The following EIPR1 variants were observed in gnomAD, a reference collection of about 807,000 sequenced individuals.
EIPR1 encodes the protein EARP complex and GARP complex interacting protein 1.
A neutral mutation model predicts 48.1 loss-of-function variants in EIPR1; 25 were observed. That is an observed-to-expected ratio of 0.52 (90% CI 0.38 to 0.73). The LOEUF (loss-of-function observed/expected upper bound fraction) is 0.73, where lower values mean the gene tolerates loss of function less well. EIPR1 is among the 30% of genes least tolerant of loss of function. EIPR1 has a pLI of 0.00. For synonymous variants in EIPR1, 204 were observed against 201.9 expected (o/e 1.01, Z -0.09); for missense variants, 415 against 506.2 (o/e 0.82, Z 1.73).
At chr2:3,230,709 T>G (rs1336708965) in intron 4 of EIPR1, among the ~76,000 whole-genome samples, 1 of 152,260 alleles carries the variant, frequency 6.6e-6, no homozygotes, top group Non-Finnish European at 1.5e-5. Flanking sequence ...TCCATTGGTC[T>G]ATATGTCAAT....
chr2:3,374,557 A>C lies in EIPR1; in HGVS notation c.42+3091T>G, dbSNP rs1026204446. Among the ~76,000 whole-genome samples, 116 of 152,356 alleles carry C rather than the reference A, an allele frequency of 7.6e-4. 1 individual carries two copies. The highest frequency in any genetic ancestry group is 7.5e-4 in the Non-Finnish European group (51 of 68,036). On this transcript the variant is annotated intron_variant, in intron 1 of 8. Transcript: ENST00000382125. The stretch of plus-strand genomic sequence containing the variant: ...AGAAAAAAACAAAAAACCCCATCAA[A>C]AAGTGGGCAAAGGATATGAGCAGAC...
chr2:3,265,210 G>T (rs189954151), intron 3 of EIPR1, among the ~76,000 whole-genome samples: 1 of 93,824 alleles, frequency 1.1e-5, no homozygotes, highest in African/African-American at 4.3e-5. Context: ...CAGGCAGGAG[G>T]TGTCTCTGGC....
At chr2:3,259,129 T>A (rs1667250392) in intron 3 of EIPR1, among the ~76,000 whole-genome samples, 1 of 151,678 alleles carries the variant, frequency 6.6e-6, no homozygotes, top group Admixed American at 6.6e-5. Context: ...TCTTTCTAAA[T>A]GGTAGAAAAA....
chr2:3,242,246 G>C (rs910885610), intron 4 of EIPR1, among the ~76,000 whole-genome samples: 1 of 144,912 alleles, frequency 6.9e-6, no homozygotes, highest in Admixed American at 6.8e-5. Context: ...CCATGGGCCC[G>C]GCAGCAGCCA....
In EIPR1 at chr2:3,369,343, G is replaced by A. The variant is rs538924064; in HGVS notation, c.42+8305C>T. On this transcript the variant is annotated intron_variant, in intron 1 of 8. Transcript: ENST00000382125. ...GGTGATTTCTGCATTTCCATATGAG[G>A]TACCGGGTTCATCTCACTAGGGAGT... 2.0e-5 allele frequency among the ~76,000 whole-genome samples: 3 copies of A among 152,320 alleles called. No homozygotes were observed. The South Asian group carries it at 6.2e-4, about 32-fold the overall frequency.
chr2:3,370,773 G>A (rs1369033147), intron 1 of EIPR1, among the ~76,000 whole-genome samples: 8 of 152,234 alleles, frequency 5.3e-5, no homozygotes, highest in South Asian at 2.1e-4. Flanking sequence ...TGGTGTACCT[G>A]AAAGTGATGG....
At chr2:3,296,500 CCCT>C (rs1668603133) in intron 3 of EIPR1, among the ~76,000 whole-genome samples, 1 of 150,156 alleles carries the variant, frequency 6.7e-6, no homozygotes, top group South Asian at 2.1e-4. Context: ...TCCACACACA[CCCT>C]CCAACCAGCC....
intron 5 of EIPR1, among the ~76,000 whole-genome samples, chr2:3,205,377 C>A (rs2103121434): frequency 6.6e-6 from 1 of 152,354 alleles, no homozygotes; most frequent in South Asian, 2.1e-4. Flanking sequence ...AATCTGCTTT[C>A]TCTGCACTGG....
intron 4 of EIPR1, among the ~76,000 whole-genome samples, chr2:3,228,454 T>G (rs1353538161): frequency 6.6e-6 from 1 of 152,252 alleles, no homozygotes; most frequent in Non-Finnish European, 1.5e-5. Flanking sequence ...ATTTTACAGA[T>G]GCATAGGCAG....
intron 3 of EIPR1, among the ~76,000 whole-genome samples, chr2:3,284,816 G>A (rs1553294495): frequency 1.3e-5 from 2 of 152,024 alleles, no homozygotes; most frequent in African/African-American, 2.4e-5. Flanking sequence ...AGGGGGGCCC[G>A]CCAGCAGCAG....
intron 4 of EIPR1, among the ~76,000 whole-genome samples, chr2:3,249,055 A>C (rs1373540444): frequency 6.6e-6 from 1 of 152,204 alleles, no homozygotes; most frequent in Non-Finnish European, 1.5e-5. Flanking sequence ...TGAGGAGGGG[A>C]GCATTGCTAC....
chr2:3,214,379 T>C (rs1272386950), intron 4 of EIPR1, 131 bp from the exon 5 acceptor site: 3 of 757,196 alleles, frequency 4.0e-6, no homozygotes, highest in East Asian at 5.4e-5. Context: ...GAGTATTTTT[T>C]ACACTGTCAC....
At chr2:3,208,894 G>T in intron 5 of EIPR1, 1 of 1,548,560 alleles carries the variant, frequency 6.5e-7, no homozygotes. Context: ...AAGGCCTCCA[G>T]CCTGGGAATG....
chr2:3,213,286 C>T (rs993753297), intron 5 of EIPR1, among the ~76,000 whole-genome samples: 7 of 151,990 alleles, frequency 4.6e-5, no homozygotes, highest in African/African-American at 9.7e-5. Flanking sequence ...CATAAACAAA[C>T]GCAATGAAAT....
intron 4 of EIPR1, among the ~76,000 whole-genome samples, chr2:3,241,645 T>C (rs1221104649): frequency 2.0e-5 from 3 of 152,160 alleles, no homozygotes; most frequent in African/African-American, 7.2e-5. Context: ...TAAAACGATA[T>C]GAACAAGTCA....
Position 3,189,476 on chromosome 2 carries a change from G to A in EIPR1, c.1022C>T (p.Ala341Val). The A allele has an allele frequency of 1.3e-6, 2 of 1,572,416 alleles. No homozygotes were observed. Among genetic ancestry groups the A allele is most frequent in the Non-Finnish European group, 1.7e-6 (2 of 1,153,936 alleles). Residue 341 changes from alanine to valine, a missense_variant, in exon 9 of 9, where the codon GCC becomes GTC. By Grantham distance (64) the Ala-to-Val change is moderately conservative (BLOSUM62 0). Coordinates refer to ENST00000382125, the MANE Select transcript of EIPR1 (RefSeq NM_003310.5). The surrounding 1 kb of genome is among the most constrained non-coding windows in gnomAD (Gnocchi z 4.6). ...SKEPLQDNVI[A>V]TYEEHEDSVY... is the part of the protein sequence containing the mutation. The stretch of plus-strand genomic sequence containing the variant: ...GCTGTCCTCGTGCTCCTCGTAGGTG[G>A]CGATCACGTTGTCCTGCAGGGGCTC...
intron 8 of EIPR1, among the ~76,000 whole-genome samples, chr2:3,190,630 G>A (rs1229739455): frequency 5.3e-5 from 8 of 152,044 alleles, no homozygotes; most frequent in East Asian, 3.9e-4. Context: ...TCCGACCAAC[G>A]GGCCCATCAG....
intron 4 of EIPR1, among the ~76,000 whole-genome samples, chr2:3,224,980 G>A (rs945097719): frequency 2.0e-5 from 3 of 152,228 alleles, no homozygotes; most frequent in Non-Finnish European, 4.4e-5. Context: ...CGAGGCTGGA[G>A]TGAAGCACAG....
At chr2:3,302,775 C>A (rs900478615) in intron 3 of EIPR1, among the ~76,000 whole-genome samples, 5 of 152,214 alleles carry the variant, frequency 3.3e-5, no homozygotes, top group Non-Finnish European at 5.9e-5. Flanking sequence ...TCCCATCAGA[C>A]GACAGGCTCC....
Sources: gnomAD v4.1 joint callset for allele counts (sites outside exome capture counted in the v4.1 genomes callset) on GRCh38, gnomAD v4.1.1 for gene constraint, Gnocchi (gnomAD v3.1) non-coding constraint, MANE v1.5 for transcripts, NCBI Gene and HGNC (gene_info 2026-07-23, HGNC 2026-07-21) for gene names.